CAMK4: variants seen among roughly 807,000 people sequenced by gnomAD.
The protein encoded by CAMK4 is calcium/calmodulin dependent protein kinase IV.
CAMK4 carries 22 observed loss-of-function variants against 44.9 expected under a neutral mutation model. That is an observed-to-expected ratio of 0.49 (90% confidence interval 0.35 to 0.70). The LOEUF (loss-of-function observed/expected upper bound fraction) is 0.70. CAMK4 is among the 30% of genes least tolerant of loss of function. The pLI, the probability that CAMK4 is intolerant of heterozygous loss-of-function variation, is 0.01. For synonymous variants in CAMK4, 218 were observed against 215.4 expected (o/e 1.01, Z -0.11); for missense variants, 498 against 586.8 (o/e 0.85, Z 1.56).
At chr5:111,330,094 C>T (rs1047341467) in intron 1 of CAMK4, among the ~76,000 whole-genome samples, 1 of 146,634 alleles carries the variant, frequency 6.8e-6, no homozygotes, top group Non-Finnish European at 1.5e-5. Context: ...TCCCCACCAC[C>T]CCTACAAAAA....
chr5:111,353,735 AAAC>A (rs143480906), intron 2 of CAMK4, among the ~76,000 whole-genome samples: 53,112 of 151,860 alleles, frequency 0.35, 10,265 homozygotes, highest in South Asian at 0.51. Flanking sequence ...GAAATTAAGA[AAAC>A]AATCTCTTTT....
intron 5 of CAMK4, among the ~76,000 whole-genome samples, chr5:111,438,872 A>T (rs1221084565): frequency 6.6e-6 from 1 of 152,226 alleles, no homozygotes; most frequent in Non-Finnish European, 1.5e-5. Context: ...AGTTGCCAAC[A>T]TTTAAAATTT....
intron 1 of CAMK4, among the ~76,000 whole-genome samples, chr5:111,244,562 T>G (rs557386092): frequency 6.6e-6 from 1 of 152,292 alleles, no homozygotes; most frequent in South Asian, 2.1e-4. Context: ...TGACCTATAT[T>G]AAAATATAAC....
chr5:111,410,201 A>G (rs1752580983), intron 5 of CAMK4, among the ~76,000 whole-genome samples: 1 of 152,142 alleles, frequency 6.6e-6, no homozygotes, highest in Admixed American at 6.5e-5. Context: ...TATAAAGGAA[A>G]GAGGTTTAAT....
chr5:111,415,288 C>G (rs895466400), intron 5 of CAMK4, among the ~76,000 whole-genome samples: 6 of 152,216 alleles, frequency 3.9e-5, no homozygotes, highest in Admixed American at 2.6e-4. Context: ...GCTGTATACC[C>G]TCATGCTCTT....
rs560079459 is a variant in CAMK4, at chr5:111,342,254, C to T, written c.162-1770C>T. ...AAGTGTATTTATGGATTTTTTATTT[C>T]TCCTTTTAGTTCTATAAGATTTTCT... On this transcript the variant is annotated intron_variant, in intron 1 of 10. Coordinates refer to ENST00000282356, the MANE Select transcript of CAMK4 (RefSeq NM_001744.6). 2.0e-5 allele frequency among the ~76,000 whole-genome samples: 3 copies of T among 151,402 alleles called. No homozygotes were observed. In the East Asian group the frequency reaches 5.9e-4, roughly 30 times the overall value.
At chr5:111,442,234 C>G (rs1166565367) in intron 5 of CAMK4, among the ~76,000 whole-genome samples, 4 of 152,124 alleles carry the variant, frequency 2.6e-5, no homozygotes, top group Non-Finnish European at 5.9e-5. Context: ...TGGCTCATGC[C>G]TATAATCCCA....
At chr5:111,365,683 C>A (rs2112805321) in intron 2 of CAMK4, among the ~76,000 whole-genome samples, 1 of 152,110 alleles carries the variant, frequency 6.6e-6, no homozygotes, top group East Asian at 1.9e-4. Flanking sequence ...TATCCTGCTT[C>A]CAGGTCTTGG....
intron 1 of CAMK4, among the ~76,000 whole-genome samples, chr5:111,310,426 G>A (rs1417596919): frequency 6.6e-6 from 1 of 152,198 alleles, no homozygotes; most frequent in Non-Finnish European, 1.5e-5. Flanking sequence ...GACAAAAGAG[G>A]CATGAGCCAA....
intron 1 of CAMK4, among the ~76,000 whole-genome samples, chr5:111,287,388 A>T (rs1751281236): frequency 6.6e-6 from 1 of 151,874 alleles, no homozygotes; most frequent in African/African-American, 2.4e-5. Context: ...AAAGATCAAT[A>T]AAAAAAAGCT....
chr5:111,348,276 A>G (rs1366280866), intron 2 of CAMK4, among the ~76,000 whole-genome samples: 1 of 152,022 alleles, frequency 6.6e-6, no homozygotes, highest in African/African-American at 2.4e-5. Context: ...TAAGTACTCA[A>G]ATATCTGGGT....
intron 3 of CAMK4, among the ~76,000 whole-genome samples, chr5:111,375,180 T>C (rs563322801): frequency 6.6e-6 from 1 of 152,084 alleles, no homozygotes; most frequent in Admixed American, 6.5e-5. Context: ...AATCGAAGAG[T>C]TTTGTTTTTC....
chr5:111,357,902 AC>A (rs1405236133), intron 2 of CAMK4: 48 of 152,214 alleles, frequency 3.2e-4, no homozygotes, highest in African/African-American at 1.1e-3. Context: ...TGTTCAAAAT[AC>A]ACAATAGCAT....
intron 1 of CAMK4, among the ~76,000 whole-genome samples, chr5:111,243,813 A>G (rs1749112665): frequency 6.6e-6 from 1 of 152,184 alleles, no homozygotes; most frequent in African/African-American, 2.4e-5. Flanking sequence ...AAAATACTGA[A>G]GATATTGTGA....
At chr5:111,404,220 A>G (rs1435108368) in intron 5 of CAMK4, among the ~76,000 whole-genome samples, 1 of 152,178 alleles carries the variant, frequency 6.6e-6, no homozygotes, top group East Asian at 1.9e-4. Context: ...GTTACATGTG[A>G]CCCATGTTCA....
intron 9 of CAMK4, chr5:111,481,819 A>G (rs1378811615): frequency 6.6e-6 from 1 of 152,236 alleles, no homozygotes; most frequent in Non-Finnish European, 1.5e-5. Flanking sequence ...TGGCACTAGT[A>G]GTTCCAAATG....
At chr5:111,300,741 T>TA (rs1267238483) in intron 1 of CAMK4, among the ~76,000 whole-genome samples, 1 of 152,168 alleles carries the variant, frequency 6.6e-6, no homozygotes, top group Admixed American at 6.5e-5. Context: ...AGAGATGTTA[T>TA]AAAAAAGTAT....
intron 2 of CAMK4, among the ~76,000 whole-genome samples, chr5:111,344,433 TAC>T (rs1185887351): frequency 0.12 from 17,408 of 149,940 alleles, 1,296 homozygotes; most frequent in African/African-American, 0.2. Context: ...CACACACACA[TAC>T]ACACACACAC....
At chr5:111,456,102 T>C (rs765725358) in intron 7 of CAMK4, among the ~76,000 whole-genome samples, 12 of 152,180 alleles carry the variant, frequency 7.9e-5, no homozygotes, top group Non-Finnish European at 1.5e-4. Context: ...TTCCATTTTG[T>C]CCTCACAAGA....
Sources: allele counts gnomAD v4.1 joint callset (sites outside exome capture counted in the v4.1 genomes callset), GRCh38; gene constraint gnomAD v4.1.1; transcripts MANE v1.5; gene names NCBI Gene and HGNC (gene_info 2026-07-23, HGNC 2026-07-21).